NDUFS4: variants seen among roughly 807,000 people sequenced by gnomAD.
The protein encoded by NDUFS4 is NADH:ubiquinone oxidoreductase subunit S4.
Under a neutral mutation model 24.3 loss-of-function variants are expected in NDUFS4, and 28 were observed. That is an observed-to-expected ratio of 1.15 (90% CI 0.85 to 1.58). NDUFS4 has a LOEUF of 1.58. Ranked by LOEUF, NDUFS4 falls within the 40% of genes most tolerant of loss-of-function variation. The pLI is 0.00. For missense variants in NDUFS4, 223 were observed against 207.9 expected (o/e 1.07, Z -0.45); for synonymous variants, 93 against 69.7 (o/e 1.34, Z -1.67).
intron 1 of NDUFS4, among the ~76,000 whole-genome samples, chr5:53,594,202 A>G (rs1336605278): frequency 6.6e-6 from 1 of 152,126 alleles, no homozygotes. Flanking sequence ...TTTGCATAGC[A>G]TATTTTGACA....
chr5:53,636,254 A>T (rs1751548463), intron 2 of NDUFS4, among the ~76,000 whole-genome samples: 1 of 152,180 alleles, frequency 6.6e-6, no homozygotes, highest in African/African-American at 2.4e-5. Context: ...TGCAGTCTGA[A>T]TGTCACAAAG....
chr5:53,629,534 A>G (rs1751339149), intron 2 of NDUFS4, among the ~76,000 whole-genome samples: 1 of 152,118 alleles, frequency 6.6e-6, no homozygotes, highest in African/African-American at 2.4e-5. Flanking sequence ...GTAGGTCTCT[A>G]AGAACTTGCT....
At chr5:53,602,956 A>G (rs1750371666) in intron 1 of NDUFS4, among the ~76,000 whole-genome samples, 1 of 152,238 alleles carries the variant, frequency 6.6e-6, no homozygotes, top group Non-Finnish European at 1.5e-5. Flanking sequence ...AATGGGCTAC[A>G]GGACTAAACT....
intron 4 of NDUFS4, among the ~76,000 whole-genome samples, chr5:53,660,272 A>G: frequency 6.6e-6 from 1 of 151,162 alleles, no homozygotes; most frequent in East Asian, 2.0e-4. Flanking sequence ...TCCTTGCGAT[A>G]GTTTGCTGAG....
At chr5:53,644,214 G>T (rs1751784677) in intron 2 of NDUFS4, among the ~76,000 whole-genome samples, 1 of 152,064 alleles carries the variant, frequency 6.6e-6, no homozygotes, top group South Asian at 2.1e-4. Context: ...TCTTCCTGAG[G>T]TAACCAGTGT....
rs1552650 is a variant in NDUFS4 at position 53,677,358 on chromosome 5, A to G, written c.425-5760A>G. On this transcript the variant is annotated intron_variant, in intron 4 of 4. Coordinates refer to ENST00000296684, the MANE Select transcript of NDUFS4 (RefSeq NM_002495.4). ...ATCTAACAAATATTTCAGGTGCCTC[A>G]TGTTTTCACCTTATTTGCTTGTTTA... Among the ~76,000 whole-genome samples the G allele has an allele frequency of 8.5e-5, 13 of 152,242 alleles. No individual in the cohort carries two copies. In the South Asian group the frequency reaches 2.5e-3, roughly 29 times the overall value.
chr5:53,577,366 G>A (rs1340528474), intron 1 of NDUFS4, among the ~76,000 whole-genome samples: 2 of 152,128 alleles, frequency 1.3e-5, no homozygotes, highest in African/African-American at 4.8e-5. Context: ...GAGGATAATG[G>A]GAGTATGAAT....
chr5:53,583,104 C>T (rs1158986539), intron 1 of NDUFS4, among the ~76,000 whole-genome samples: 2 of 152,086 alleles, frequency 1.3e-5, no homozygotes, highest in African/African-American at 2.4e-5. Context: ...GTCTCGATTT[C>T]CTGACCTCAT....
At chr5:53,654,302 A>T (rs1202127917) in intron 3 of NDUFS4, among the ~76,000 whole-genome samples, 1 of 152,094 alleles carries the variant, frequency 6.6e-6, no homozygotes, top group Non-Finnish European at 1.5e-5. Context: ...TTATAATTGG[A>T]TATGTATTTA....
chr5:53,594,844 T>C (rs1326373966), intron 1 of NDUFS4, among the ~76,000 whole-genome samples: 2 of 150,960 alleles, frequency 1.3e-5, no homozygotes, highest in Non-Finnish European at 3.0e-5. Flanking sequence ...TACACATACA[T>C]TGCATTTGTA....
chr5:53,678,288 C>A (rs1740539994), intron 4 of NDUFS4, among the ~76,000 whole-genome samples: 1 of 152,160 alleles, frequency 6.6e-6, no homozygotes, highest in Non-Finnish European at 1.5e-5. Context: ...GATACTAGGG[C>A]TTAAAGTTCA....
intron 2 of NDUFS4, among the ~76,000 whole-genome samples, chr5:53,617,467 C>G (rs1267713199): frequency 6.6e-6 from 1 of 152,048 alleles, no homozygotes; most frequent in Non-Finnish European, 1.5e-5. Context: ...CCTTCTGTCT[C>G]TCTCTAGTTT....
intron 2 of NDUFS4, among the ~76,000 whole-genome samples, chr5:53,632,747 A>G (rs1031416329): frequency 1.3e-5 from 2 of 152,178 alleles, no homozygotes; most frequent in African/African-American, 4.8e-5. Flanking sequence ...AGGTTGTCCA[A>G]TACCTGAAAA....
intron 3 of NDUFS4, among the ~76,000 whole-genome samples, chr5:53,648,778 C>T (rs1250289649): frequency 6.6e-6 from 1 of 152,138 alleles, no homozygotes; most frequent in African/African-American, 2.4e-5. Context: ...TTTTCTGGCC[C>T]CCCAAAAGTG....
At chr5:53,674,485 T>A (rs896191994) in intron 4 of NDUFS4, among the ~76,000 whole-genome samples, 2 of 152,202 alleles carry the variant, frequency 1.3e-5, no homozygotes, top group African/African-American at 2.4e-5. Flanking sequence ...CTGAACCCTA[T>A]CATTATCAAT....
chr5:53,576,136 T>C lies in NDUFS4; in HGVS notation c.98+15376T>C, dbSNP rs1475241644. ...AGTTTTGGTGACTTTTCTCTAGAAATAGATACAGTCATATGTATAAAATCA... is the reference window on the plus strand; with the variant it reads ...AGTTTTGGTGACTTTTCTCTAGAAACAGATACAGTCATATGTATAAAATCA... On this transcript the variant is annotated intron_variant, in intron 1 of 4. Transcript: ENST00000296684. 3.3e-5 allele frequency among the ~76,000 whole-genome samples: 5 copies of C among 152,212 alleles called. No homozygotes were observed. In the East Asian group the frequency reaches 7.7e-4, roughly 23 times the overall value.
chr5:53,659,407 T>A (rs1752263438), intron 4 of NDUFS4, among the ~76,000 whole-genome samples: 1 of 152,164 alleles, frequency 6.6e-6, no homozygotes, highest in African/African-American at 2.4e-5. Context: ...GGACTTAATG[T>A]TTCTCAGTTG....
intron 3 of NDUFS4, among the ~76,000 whole-genome samples, chr5:53,651,454 A>G (rs886300330): frequency 1.3e-5 from 2 of 151,950 alleles, no homozygotes; most frequent in Non-Finnish European, 1.5e-5. Flanking sequence ...TGAGTTGACC[A>G]TAGTTTGGGT....
intron 1 of NDUFS4, among the ~76,000 whole-genome samples, chr5:53,588,073 C>T (rs578004290): frequency 6.6e-6 from 1 of 152,248 alleles, no homozygotes; most frequent in Admixed American, 6.5e-5. Context: ...GGTTTGGTTC[C>T]AGACCACCAC....
Sources: gnomAD v4.1 joint callset for allele counts (sites outside exome capture counted in the v4.1 genomes callset) on GRCh38, gnomAD v4.1.1 for gene constraint, MANE v1.5 for transcripts, NCBI Gene and HGNC (gene_info 2026-07-23, HGNC 2026-07-21) for gene names.